Variants in RUNX1T1 observed in about 807,000 individuals in gnomAD.
The protein encoded by RUNX1T1 is RUNX1 partner transcriptional co-repressor 1, also known as protein CBFA2T1.
A neutral mutation model predicts 62.8 loss-of-function variants in RUNX1T1; 4 were observed. That is an observed-to-expected ratio of 0.06 (90% CI 0.03 to 0.15). The LOEUF is 0.15. Ranked by LOEUF, RUNX1T1 falls within the 10% of genes least tolerant of loss-of-function variation. RUNX1T1 has a pLI of 1.00. For missense variants in RUNX1T1, 508 were observed against 754.3 expected (o/e 0.67, Z 3.82); for synonymous variants, 291 against 286.0 (o/e 1.02, Z -0.18).
intron 1 of RUNX1T1, among the ~76,000 whole-genome samples, chr8:92,044,715 A>T (rs1563834767): frequency 6.6e-6 from 1 of 152,216 alleles, no homozygotes. Context: ...ATGGTTTTCC[A>T]TTATTTCATT....
chr8:92,095,352 G>C, intron 1 of RUNX1T1: 1 of 1,534,836 alleles, frequency 6.5e-7, no homozygotes. Context: ...ATTACCTTCT[G>C]GCAAAGGAGC....
chr8:91,996,166 A>T (rs1212289998), intron 5 of RUNX1T1, among the ~76,000 whole-genome samples: 3 of 152,034 alleles, frequency 2.0e-5, no homozygotes, highest in African/African-American at 4.8e-5. Context: ...AGGATTTCTG[A>T]AAGTTTTATT....
chr8:91,959,461 T>C lies in RUNX1T1; in HGVS notation c.*781A>G, dbSNP rs1162523920. 5.9e-3 allele frequency: 716 copies of C among 121,918 alleles called. 21 individuals carry two copies. Among genetic ancestry groups the C allele is most frequent in the African/African-American group, 0.04 (595 of 14,766 alleles). The allele number at this position is 121,918 out of a possible 1,614,324, so 7.6% of individuals were successfully genotyped here. A position where few individuals can be genotyped will look rare whatever the true frequency, so the allele number is the denominator to read the frequency against. The stretch of plus-strand genomic sequence containing the variant: ...GTGTGTGTGTGTGTGTGTGTGTGTG[T>C]GTGTGTATATGTGCGTGTGTGTGTG... On this transcript the variant is annotated 3_prime_UTR_variant, in exon 11 of 11. Transcript: ENST00000396218.
At chr8:92,086,174 C>T (rs1408683407) in intron 1 of RUNX1T1, among the ~76,000 whole-genome samples, 12 of 152,238 alleles carry the variant, frequency 7.9e-5, no homozygotes, top group Admixed American at 7.9e-4. Flanking sequence ...CTGAGGCCTG[C>T]TGGTTTACAA....
rs549142315 is a variant in RUNX1T1, at chr8:92,087,078, C to A, written c.-85-10941G>T. ...ACTCCTCTGTTCAAAAGACGCCCAG[C>A]TAGAAAATCAAATATATAAAGCAAT... On this transcript the variant is annotated intron_variant, in intron 1 of 11. Transcript: ENST00000265814. Among the ~76,000 whole-genome samples the A allele has an allele frequency of 1.3e-4, 20 of 152,216 alleles. 1 individual carries two copies. In the South Asian group the frequency reaches 3.5e-3, roughly 27 times the overall value.
intron 10 of RUNX1T1, among the ~76,000 whole-genome samples, chr8:91,969,519 C>G (rs761409853): frequency 2.0e-5 from 3 of 151,996 alleles, no homozygotes; most frequent in Non-Finnish European, 4.4e-5. Context: ...ATATCTTAGC[C>G]ACAAGATACC....
intron 1 of RUNX1T1, among the ~76,000 whole-genome samples, chr8:92,027,477 T>A (rs902219845): frequency 5.3e-5 from 8 of 152,206 alleles, no homozygotes; most frequent in Non-Finnish European, 2.9e-5. Context: ...CATCTTCCGC[T>A]GCCATTCAGA....
intron 9 of RUNX1T1, among the ~76,000 whole-genome samples, chr8:91,973,622 T>C (rs960167504): frequency 6.6e-6 from 1 of 152,030 alleles, no homozygotes; most frequent in Non-Finnish European, 1.5e-5. Flanking sequence ...CTTCAAAAAA[T>C]TTTTTTGCCC....
At chr8:92,025,363 C>T (rs1824945830) in intron 1 of RUNX1T1, among the ~76,000 whole-genome samples, 1 of 152,198 alleles carries the variant, frequency 6.6e-6, no homozygotes, top group Non-Finnish European at 1.5e-5. Flanking sequence ...CCAGACACAT[C>T]TTCATTTCTG....
chr8:92,025,668 T>C (rs571080611), intron 1 of RUNX1T1, among the ~76,000 whole-genome samples: 1 of 152,322 alleles, frequency 6.6e-6, no homozygotes, highest in Middle Eastern at 3.4e-3. Context: ...AGACCACAAT[T>C]TACTTAAGAG....
rs546226905 is a variant in RUNX1T1, at chr8:92,010,321, G to C, written c.477+681C>G. The C allele has an allele frequency of 5.3e-5, 8 of 152,322 alleles. No homozygotes were observed. In the East Asian group the frequency reaches 1.5e-3, roughly 29 times the overall value. The allele number at this position is 152,322 out of a possible 1,614,324, so 9.4% of individuals were successfully genotyped here. On this transcript the variant is annotated intron_variant, in intron 4 of 10. Coordinates refer to ENST00000396218, the Ensembl canonical transcript of RUNX1T1. ...AAGCAATATGCTTACCCAAGTAAAAGGGATCTTAGTAATCTGCTTTTCTAC... is the reference window on the plus strand; with the variant it reads ...AAGCAATATGCTTACCCAAGTAAAACGGATCTTAGTAATCTGCTTTTCTAC...
At chr8:92,022,039 C>A (rs1321504138) in intron 1 of RUNX1T1, among the ~76,000 whole-genome samples, 1 of 151,782 alleles carries the variant, frequency 6.6e-6, no homozygotes, top group Non-Finnish European at 1.5e-5. Context: ...TTTATCACAG[C>A]CCTTCTGTAT....
At position 91,960,039 on chromosome 8, in the gene RUNX1T1, T is replaced by G. The variant is rs533943133; in HGVS notation, c.*203A>C. ...GAAAAGATATCTTTGTTATCCACAA[T>G]AAGTCATTACGACCCGTTACTGGCC... On this transcript the variant is annotated 3_prime_UTR_variant, in exon 11 of 11. Coordinates refer to ENST00000396218, the Ensembl canonical transcript of RUNX1T1. 32 of 599,184 alleles carry G rather than the reference T, an allele frequency of 5.3e-5. No homozygotes were observed. The African/African-American group carries it at 5.9e-4, about 11-fold the overall frequency. 37.1% of individuals were successfully genotyped at this position (599,184 alleles called of 1,614,324 possible).
At chr8:92,005,144 C>T (rs746997350) in exon 5 of RUNX1T1, 15 of 1,611,780 alleles carry the variant, frequency 9.3e-6, no homozygotes, top group Admixed American at 1.7e-5. Context: ...TTCCCGTTTT[C>T]GTTCACATCG....
chr8:92,078,441 C>T (rs1224131348), intron 1 of RUNX1T1, among the ~76,000 whole-genome samples: 1 of 152,038 alleles, frequency 6.6e-6, no homozygotes, highest in East Asian at 1.9e-4. Flanking sequence ...GATCTGGATG[C>T]TCAGCCCTCA....
At chr8:91,989,009 G>A (rs1351857936) in intron 6 of RUNX1T1, among the ~76,000 whole-genome samples, 1 of 152,038 alleles carries the variant, frequency 6.6e-6, no homozygotes, top group African/African-American at 2.4e-5. Context: ...TAATACCAGA[G>A]GGATGTACCG....
At chr8:92,051,586 TCACA>T (rs1178991826) in intron 1 of RUNX1T1, among the ~76,000 whole-genome samples, 14 of 145,470 alleles carry the variant, frequency 9.6e-5, no homozygotes, top group Admixed American at 1.4e-4. Context: ...ACTCTCTCTC[TCACA>T]CACACACACA....
chr8:92,088,273 T>C (rs1261454592), intron 1 of RUNX1T1, among the ~76,000 whole-genome samples: 1 of 152,236 alleles, frequency 6.6e-6, no homozygotes, highest in Non-Finnish European at 1.5e-5. Context: ...TTCCCAGCTG[T>C]ATTTGCTCAT....
intron 1 of RUNX1T1, among the ~76,000 whole-genome samples, chr8:92,029,920 T>C (rs1347368129): frequency 1.3e-5 from 2 of 152,182 alleles, no homozygotes; most frequent in South Asian, 2.1e-4. Flanking sequence ...TAAAAATCAC[T>C]ACACTCAAGA....
Sources: gnomAD v4.1 joint callset for allele counts (sites outside exome capture counted in the v4.1 genomes callset) on GRCh38, gnomAD v4.1.1 for gene constraint, MANE v1.5 for transcripts, NCBI Gene and HGNC (gene_info 2026-07-23, HGNC 2026-07-21) for gene names.